Variants in DNPH1 observed in about 807,000 individuals in gnomAD.
DNPH1 encodes 2'-deoxynucleoside 5'-phosphate N-hydrolase 1, also known as 5-hydroxymethyl-dUMP N-hydrolase.
Under a neutral mutation model 15.7 loss-of-function variants are expected in DNPH1, and 18 were observed. That is an observed-to-expected ratio of 1.15 (90% CI 0.79 to 1.70). DNPH1 has a LOEUF of 1.70. Ranked by LOEUF, DNPH1 falls within the 40% of genes most tolerant of loss-of-function variation. DNPH1 has a pLI of 0.00. For missense variants in DNPH1, 262 were observed against 255.2 expected, an observed-to-expected ratio of 1.03 and a Z score of -0.18; for synonymous variants, 114 against 107.9, an observed-to-expected ratio of 1.06 and a Z score of -0.35.
chr6:43,226,433 G>T lies in DNPH1; in HGVS notation c.197-38C>A. 6.3e-7 allele frequency: 1 copy of T among 1,588,412 alleles called. No homozygotes were observed. The highest frequency in any genetic ancestry group is 1.3e-5 in the African/African-American group (1 of 74,556). On this transcript the variant is annotated intron_variant, in intron 1 of 3. Transcript: ENST00000230431. The surrounding 1 kb of genome is among the most constrained non-coding windows in gnomAD (Gnocchi z 4.1). ...AAAGCTGGTCAAGGACATGCCTCATGCTGGCTCCCAGTAACTCCTATGCCC... is the reference window on the plus strand; with the variant it reads ...AAAGCTGGTCAAGGACATGCCTCATTCTGGCTCCCAGTAACTCCTATGCCC...
chr6:43,225,640 A>C lies in DNPH1; in HGVS notation c.*93T>G. On this transcript the variant is annotated 3_prime_UTR_variant, in exon 4 of 4. Transcript: ENST00000230431. Reference sequence around the variant, plus strand: ...CACAAGACAGAAAGTTAGGATTTTAACTGTACCTTTTAATTTGCTCCTGGG... The same window carrying C: ...CACAAGACAGAAAGTTAGGATTTTACCTGTACCTTTTAATTTGCTCCTGGG... 6.7e-7 allele frequency: 1 copy of C among 1,499,552 alleles called. No homozygotes were observed. Among genetic ancestry groups the C allele is most frequent in the Non-Finnish European group, 9.1e-7 (1 of 1,099,002 alleles). 92.9% of individuals were successfully genotyped at this position (1,499,552 alleles called of 1,614,324 possible). A position where few individuals can be genotyped will look rare whatever the true frequency, so the allele number is the denominator to read the frequency against.
chr6:43,226,061 C>G lies in DNPH1; in HGVS notation c.348G>C (p.Leu116=). ...GGCCAGACTGCGGGCGGAACAGGCA[C>G]AGGATCCGCTTGTTAAAGGCCACGG... ...GRAVAFNKRI[L]CLFRPQSGRV... is the part of the protein sequence containing the mutation. Residue 116 remains leucine, a synonymous_variant, in exon 3 of 4, where the codon CTG becomes CTC. Transcript: ENST00000230431. This position sits in a 1 kb window ranked among gnomAD's most constrained non-coding sequence, Gnocchi z 4.1. 6.2e-7 allele frequency: 1 copy of G among 1,613,816 alleles called. No homozygotes were observed. The highest frequency in any genetic ancestry group is 8.5e-7 in the Non-Finnish European group (1 of 1,179,960).
At position 43,226,275 on chromosome 6, in the gene DNPH1, G is replaced by A; in HGVS notation, c.265+52C>T. On this transcript the variant is annotated intron_variant, in intron 2 of 3. Transcript: ENST00000230431. This position sits in a 1 kb window ranked among gnomAD's most constrained non-coding sequence, Gnocchi z 4.1. ...GGTGTGGAGGCTGGGATGTCCAGGG[G>A]AACCCAGCACTCCAGAGGAGTTAGG... 5 of 1,602,796 alleles carry A rather than the reference G, an allele frequency of 3.1e-6. No individual in the cohort carries two copies. The highest frequency in any genetic ancestry group is 4.3e-6 in the Non-Finnish European group (5 of 1,174,718).
rs1776743266 is a variant in DNPH1, at chr6:43,226,423, C to T, written c.197-28G>A. 6.3e-7 allele frequency: 1 copy of T among 1,599,330 alleles called. No individual in the cohort carries two copies. The highest frequency in any genetic ancestry group is 1.1e-5 in the South Asian group (1 of 89,122). On this transcript the variant is annotated intron_variant, in intron 1 of 3. Coordinates refer to ENST00000230431, the MANE Select transcript of DNPH1 (RefSeq NM_006443.3). This position sits in a 1 kb window ranked among gnomAD's most constrained non-coding sequence, Gnocchi z 4.1. The stretch of plus-strand genomic sequence containing the variant: ...GTGTTGAGGGAAAGCTGGTCAAGGA[C>T]ATGCCTCATGCTGGCTCCCAGTAAC...
chr6:43,228,864 A>C (rs1489114415), intron 1 of DNPH1, among the ~76,000 whole-genome samples: 1 of 152,118 alleles, frequency 6.6e-6, no homozygotes, highest in Non-Finnish European at 1.5e-5. Context: ...GTTGGTGGGG[A>C]GGCAGGAGGA....
intron 1 of DNPH1, among the ~76,000 whole-genome samples, chr6:43,227,208 A>C (rs1776756317): frequency 1.3e-5 from 2 of 152,052 alleles, no homozygotes; most frequent in African/African-American, 4.8e-5. Context: ...CGAGGTCAGG[A>C]GTTTGAGACC....
intron 3 of DNPH1, 38 bp downstream of exon 3, chr6:43,225,995 G>A: frequency 6.2e-7 from 1 of 1,613,524 alleles, no homozygotes; most frequent in South Asian, 1.1e-5. Flanking sequence ...TGAGGGCTGG[G>A]TCCATAGAAA....
Position 43,229,401 on chromosome 6 carries a change from C to T in DNPH1, c.56G>A (p.Gly19Asp). 1 of 1,436,450 alleles carries T rather than the reference C, an allele frequency of 7.0e-7. No individual in the cohort carries two copies. Among genetic ancestry groups the T allele is most frequent in the Non-Finnish European group, 9.2e-7 (1 of 1,091,654 alleles). The allele number at this position is 1,436,450 out of a possible 1,614,324, so 89.0% of individuals were successfully genotyped here. The change falls in exon 1 of 4, where the codon GGC becomes GAC. Residue 19 changes from glycine (G) to aspartate (D), a missense_variant. Physicochemically the swap from Gly to Asp is moderately conservative, Grantham distance 94. Transcript: ENST00000230431. ...CCCGCAGAAGTACAGGGCCGGGCGGCCAGGCTCCCCGCGCTCCCAGCTCTC... is the reference window on the plus strand; with the variant it reads ...CCCGCAGAAGTACAGGGCCGGGCGGTCAGGCTCCCCGCGCTCCCAGCTCTC... ...RSESWERGEPGRPALYFCGSI... is the reference protein window; with the variant it reads ...RSESWERGEPDRPALYFCGSI...
chr6:43,229,178 C>T (rs1181124828), intron 1 of DNPH1, 83 bp downstream of exon 1: 2 of 1,252,188 alleles, frequency 1.6e-6, no homozygotes, highest in Non-Finnish European at 1.0e-6. Flanking sequence ...TGCCGGGGGT[C>T]GGGGGGGCGG....
chr6:43,227,319 G>T (rs1700483263), intron 1 of DNPH1, among the ~76,000 whole-genome samples: 1 of 152,010 alleles, frequency 6.6e-6, no homozygotes, highest in Non-Finnish European at 1.5e-5. Context: ...GGAGGCTGAG[G>T]CAGGAAAATT....
At chr6:43,227,106 T>TA (rs1176582895) in intron 1 of DNPH1, among the ~76,000 whole-genome samples, 27 of 138,810 alleles carry the variant, frequency 1.9e-4, no homozygotes, top group Admixed American at 3.8e-4. Context: ...AACTCCATCT[T>TA]AAAAAAAACA....
chr6:43,226,535 A>G lies in DNPH1; in HGVS notation c.197-140T>C, dbSNP rs1276361021. On this transcript the variant is annotated intron_variant, in intron 1 of 3. Transcript: ENST00000230431. This position sits in a 1 kb window ranked among gnomAD's most constrained non-coding sequence, Gnocchi z 4.1. Reference sequence around the variant, plus strand: ...TGACCTGACCAAACATGACAATCTCATCAAAGCAGCGAGGAAATGGAATAG... The same window carrying G: ...TGACCTGACCAAACATGACAATCTCGTCAAAGCAGCGAGGAAATGGAATAG... The G allele has an allele frequency of 5.8e-6, 4 of 688,778 alleles. No individual in the cohort carries two copies. The East Asian group carries it at 8.5e-5, about 15-fold the overall frequency. The allele number at this position is 688,778 out of a possible 1,614,324, so 42.7% of individuals were successfully genotyped here. A position where few individuals can be genotyped will look rare whatever the true frequency, so the allele number is the denominator to read the frequency against.
Position 43,226,723 on chromosome 6 carries a change from C to T in DNPH1, c.197-328G>A, listed in dbSNP as rs1196252304. 17 of 349,366 alleles carry T rather than the reference C, an allele frequency of 4.9e-5. No homozygotes were observed. Among genetic ancestry groups the T allele is most frequent in the East Asian group, 2.4e-4 (4 of 16,468 alleles). The allele number at this position is 349,366 out of a possible 1,614,324, so 21.6% of individuals were successfully genotyped here. A position where few individuals can be genotyped will look rare whatever the true frequency, so the allele number is the denominator to read the frequency against. On this transcript the variant is annotated intron_variant, in intron 1 of 3. Transcript: ENST00000230431. This position sits in a 1 kb window ranked among gnomAD's most constrained non-coding sequence, Gnocchi z 4.1. ...TCCTAGGCCCAGAAGGTAGGGATCT[C>T]GGGTCTTAGCTTGATTAAATGTTAT... is the stretch of plus-strand genomic sequence containing the variant.
chr6:43,229,309 C>T lies in DNPH1; in HGVS notation c.148G>A (p.Gly50Arg). 1 of 1,482,892 alleles carries T rather than the reference C, an allele frequency of 6.7e-7. No individual in the cohort carries two copies. Among genetic ancestry groups the T allele is most frequent in the Non-Finnish European group, 8.9e-7 (1 of 1,119,810 alleles). 91.9% of individuals were successfully genotyped at this position (1,482,892 alleles called of 1,614,324 possible). The change falls in exon 1 of 4, where the codon GGG becomes AGG. Residue 50 changes from glycine (G) to arginine (R), a missense_variant. Physicochemically the swap from Gly to Arg is moderately radical, Grantham distance 125. Transcript: ENST00000230431. The stretch of plus-strand genomic sequence containing the variant: ...GCCACGTGCTCGGTGAGCACTGTCC[C>T]GAATCGCCGCAGCCGAGACACGATC... The part of the protein sequence containing the change: ...ERIVSRLRRF[G>R]TVLTEHVAAA...
chr6:43,229,139 G>C, intron 1 of DNPH1, 122 bp downstream of exon 1: 1 of 1,041,796 alleles, frequency 9.6e-7, no homozygotes, highest in South Asian at 1.6e-5. Flanking sequence ...CGGGGTAGGA[G>C]GGCGGGCTCC....
At position 43,226,042 on chromosome 6, in the gene DNPH1, A is replaced by G. The variant is rs1255875104; in HGVS notation, c.367T>C (p.Ser123Pro). Reference protein sequence around the residue: ...KRILCLFRPQSGRVLSAMIRG... With the variant: ...KRILCLFRPQPGRVLSAMIRG... Reference sequence around the variant, plus strand: ...GGCTTGGGGTGCTCACCGCGGCCAGACTGCGGGCGGAACAGGCACAGGATC... The same window carrying G: ...GGCTTGGGGTGCTCACCGCGGCCAGGCTGCGGGCGGAACAGGCACAGGATC... Residue 123 changes from serine (S) to proline (P), a missense_variant, in exon 3 of 4, where the codon TCT (serine) becomes CCT (proline). By Grantham distance (74) the Ser-to-Pro change is moderately conservative (BLOSUM62 -1). Transcript: ENST00000230431. The surrounding 1 kb of genome is among the most constrained non-coding windows in gnomAD (Gnocchi z 4.1). 6.2e-7 allele frequency: 1 copy of G among 1,613,732 alleles called. No individual in the cohort carries two copies. The highest frequency in any genetic ancestry group is 8.5e-7 in the Non-Finnish European group (1 of 1,179,944).
intron 1 of DNPH1, among the ~76,000 whole-genome samples, chr6:43,227,187 C>A (rs143731843): frequency 6.6e-6 from 1 of 151,628 alleles, no homozygotes; most frequent in Non-Finnish European, 1.5e-5. Context: ...GAGGCCAAGG[C>A]GGTAGGATCA....
At chr6:43,229,049 A>T (rs1382994158) in intron 1 of DNPH1, 6 of 487,408 alleles carry the variant, frequency 1.2e-5, no homozygotes, top group Non-Finnish European at 2.3e-5. Context: ...AGTCTGCCTT[A>T]CACCCGCAGG....
intron 1 of DNPH1, chr6:43,229,055 G>T: frequency 2.0e-6 from 1 of 504,314 alleles, no homozygotes; most frequent in South Asian, 1.7e-5. Context: ...CCTTACACCC[G>T]CAGGCTTGCT....
Sources: gnomAD v4.1 joint callset for allele counts (sites outside exome capture counted in the v4.1 genomes callset) on GRCh38, gnomAD v4.1.1 for gene constraint, Gnocchi (gnomAD v3.1) non-coding constraint, MANE v1.5 for transcripts, NCBI Gene and HGNC (gene_info 2026-07-23, HGNC 2026-07-21) for gene names.